The following LRCH1 variants were observed in gnomAD, a reference collection of about 807,000 sequenced individuals.
LRCH1 encodes leucine-rich repeat and calponin homology domain-containing protein 1.
Under a neutral mutation model 94.9 loss-of-function variants are expected in LRCH1, and 23 were observed. The observed-to-expected ratio is 0.24, with a 90% CI of 0.17 to 0.34. LRCH1 has a LOEUF of 0.34. Among genes scored for constraint, LRCH1 ranks in the 10% least tolerant of loss-of-function variants. The probability of loss-of-function intolerance (pLI) is 1.00; values close to 1 mark genes in which losing one functional copy is unlikely to be tolerated. For synonymous variants in LRCH1, 364 were observed against 354.9 expected, an observed-to-expected ratio of 1.03 and a Z score of -0.29; for missense variants, 790 against 945.9, an observed-to-expected ratio of 0.84 and a Z score of 2.16.
At chr13:46,573,867 T>TATATATATATATATA (rs1555269135) in intron 1 of LRCH1, among the ~76,000 whole-genome samples, 12 of 53,000 alleles carry the variant, frequency 2.3e-4, no homozygotes, top group East Asian at 7.6e-4. Context: ...TATATATATA[T>TATATATATATATATA]TTTTTTTTTT....
At chr13:46,714,747 A>G (rs1271833428) in intron 15 of LRCH1, among the ~76,000 whole-genome samples, 1 of 152,218 alleles carries the variant, frequency 6.6e-6, no homozygotes, top group African/African-American at 2.4e-5. Context: ...TATTTCCTAA[A>G]TATGAAATTG....
intron 7 of LRCH1, 48 bp from the exon 8 acceptor site, chr13:46,692,488 C>T: frequency 7.8e-7 from 1 of 1,288,588 alleles, no homozygotes; most frequent in Non-Finnish European, 1.1e-6. Context: ...TCCTTATCTA[C>T]ATTGATAACA....
At chr13:46,609,373 G>A (rs765777715) in intron 1 of LRCH1, among the ~76,000 whole-genome samples, 1 of 152,120 alleles carries the variant, frequency 6.6e-6, no homozygotes, top group Admixed American at 6.5e-5. Flanking sequence ...CTTCAAGCTT[G>A]TGTACCACTC....
intron 2 of LRCH1, among the ~76,000 whole-genome samples, chr13:46,653,822 AAAAG>A (rs1247920349): frequency 8.5e-5 from 13 of 152,216 alleles, no homozygotes; most frequent in East Asian, 1.9e-4. Flanking sequence ...ACCCTGTCTC[AAAAG>A]AAAGAAAGAA....
intron 9 of LRCH1, among the ~76,000 whole-genome samples, chr13:46,695,488 T>C (rs1871136837): frequency 1.3e-5 from 2 of 152,144 alleles, no homozygotes; most frequent in South Asian, 4.1e-4. Context: ...CCCCGAGGCA[T>C]TGAAAGGACA....
At chr13:46,689,416 A>G (rs1870784026) in intron 7 of LRCH1, among the ~76,000 whole-genome samples, 1 of 152,162 alleles carries the variant, frequency 6.6e-6, no homozygotes, top group African/African-American at 2.4e-5. Flanking sequence ...AATATTTTGT[A>G]AATGCCTCAA....
At chr13:46,708,461 A>G (rs766533313) in intron 13 of LRCH1, among the ~76,000 whole-genome samples, 15 of 151,960 alleles carry the variant, frequency 9.9e-5, no homozygotes, top group Admixed American at 1.3e-4. Flanking sequence ...TAGTAGAGAC[A>G]GGGTTTTGCC....
intron 2 of LRCH1, among the ~76,000 whole-genome samples, chr13:46,665,744 C>T (rs1040525864): frequency 6.6e-6 from 1 of 152,252 alleles, no homozygotes; most frequent in East Asian, 1.9e-4. Context: ...TATTTTCAAA[C>T]GTTCTTTCAG....
At chr13:46,685,867 G>T (rs1270253418) in intron 4 of LRCH1, 38 bp from the exon 5 acceptor site, 7 of 1,410,382 alleles carry the variant, frequency 5.0e-6, no homozygotes, top group Admixed American at 2.7e-5. Context: ...GATTTCTAAG[G>T]TTTTTTCTTT....
chr13:46,614,085 C>T (rs555248986), intron 1 of LRCH1, among the ~76,000 whole-genome samples: 1 of 137,054 alleles, frequency 7.3e-6, no homozygotes, highest in African/African-American at 2.9e-5. Flanking sequence ...TAAATTAACA[C>T]ACCCATCATT....
intron 15 of LRCH1, 94 bp downstream of exon 15, chr13:46,712,691 G>T (rs1457900478): frequency 3.4e-6 from 4 of 1,161,118 alleles, no homozygotes; most frequent in East Asian, 2.4e-5. Context: ...GCACATCCTT[G>T]TCAGTTCTGC....
intron 3 of LRCH1, among the ~76,000 whole-genome samples, chr13:46,669,953 A>T (rs751220836): frequency 9.9e-4 from 151 of 152,336 alleles, no homozygotes; most frequent in Non-Finnish European, 1.6e-3. Context: ...CCTGTCTTTC[A>T]GTAGATTCCA....
intron 10 of LRCH1, 63 bp from the exon 11 acceptor site, chr13:46,701,058 A>G: frequency 9.9e-7 from 1 of 1,006,766 alleles, no homozygotes; most frequent in South Asian, 1.4e-5. Flanking sequence ...GCTTTTTAAG[A>G]AATTAGATGA....
chr13:46,604,610 T>A (rs1259334617), intron 1 of LRCH1, among the ~76,000 whole-genome samples: 1 of 152,240 alleles, frequency 6.6e-6, no homozygotes, highest in Non-Finnish European at 1.5e-5. Context: ...TACATCTTGT[T>A]GGTCTTGTTC....
chr13:46,598,340 C>T (rs1311799504), intron 1 of LRCH1, among the ~76,000 whole-genome samples: 1 of 150,926 alleles, frequency 6.6e-6, no homozygotes, highest in Admixed American at 6.6e-5. Flanking sequence ...AGCCAGGGTG[C>T]CCCAGTTTAG....
intron 1 of LRCH1, among the ~76,000 whole-genome samples, chr13:46,571,626 A>G (rs2050241697): frequency 6.6e-6 from 1 of 152,178 alleles, no homozygotes; most frequent in Non-Finnish European, 1.5e-5. Flanking sequence ...ACTGGCTCCC[A>G]TGCCTTTCTT....
intron 9 of LRCH1, among the ~76,000 whole-genome samples, chr13:46,698,241 C>A (rs933472387): frequency 1.3e-5 from 2 of 152,210 alleles, no homozygotes; most frequent in Non-Finnish European, 2.9e-5. Flanking sequence ...TATGCCAGAA[C>A]CTTGACACCA....
At chr13:46,616,404 A>G (rs979889150) in intron 1 of LRCH1, among the ~76,000 whole-genome samples, 1 of 152,164 alleles carries the variant, frequency 6.6e-6, no homozygotes, top group Non-Finnish European at 1.5e-5. Context: ...CTCTCCCCTT[A>G]ACCTGACAGC....
At chr13:46,696,454 T>C (rs1158480927) in intron 9 of LRCH1, among the ~76,000 whole-genome samples, 1 of 152,158 alleles carries the variant, frequency 6.6e-6, no homozygotes, top group Non-Finnish European at 1.5e-5. Flanking sequence ...TAAGAAGATA[T>C]CAATATTTAA....
Sources: gnomAD v4.1 joint callset for allele counts (sites outside exome capture counted in the v4.1 genomes callset) on GRCh38, gnomAD v4.1.1 for gene constraint, MANE v1.5 for transcripts, NCBI Gene and HGNC (gene_info 2026-07-23, HGNC 2026-07-21) for gene names.